The following VWCE variants were observed in gnomAD, a reference collection of about 807,000 sequenced individuals.
VWCE encodes the protein von Willebrand factor C and EGF domain-containing protein.
VWCE carries 68 observed loss-of-function variants against 102.9 expected under a neutral mutation model. That is an observed-to-expected ratio of 0.66 (90% CI 0.54 to 0.81). The LOEUF (loss-of-function observed/expected upper bound fraction) is 0.81. VWCE is among the 30% of genes least tolerant of loss of function. The probability of loss-of-function intolerance (pLI) is 0.00; values close to 1 mark genes in which losing one functional copy is unlikely to be tolerated. For synonymous variants in VWCE, 497 were observed against 515.4 expected, an observed-to-expected ratio of 0.96 and a Z score of 0.48; for missense variants, 1,137 against 1,263.6, an observed-to-expected ratio of 0.90 and a Z score of 1.52.
At chr11:61,262,247 C>G (rs891277066) in intron 19 of VWCE, among the ~76,000 whole-genome samples, 4 of 152,180 alleles carry the variant, frequency 2.6e-5, no homozygotes, top group African/African-American at 9.7e-5. Flanking sequence ...AGCCACCACG[C>G]CAGACCTGGA....
chr11:61,272,432 AAC>A (rs1300373881), intron 13 of VWCE, among the ~76,000 whole-genome samples: 1 of 151,152 alleles, frequency 6.6e-6, no homozygotes, highest in African/African-American at 2.4e-5. Context: ...AAAACACAAA[AAC>A]AGACACATAA....
At chr11:61,274,709 T>C (rs1478176580) in intron 11 of VWCE, 125 bp from the exon 12 acceptor site, 1 of 691,514 alleles carries the variant, frequency 1.4e-6, no homozygotes, top group Non-Finnish European at 2.4e-6. Context: ...CACAGCATGC[T>C]CCGTGCCCAG....
chr11:61,274,340 G>GGAA (rs1274513284), intron 12 of VWCE, among the ~76,000 whole-genome samples, 159 bp downstream of exon 12: 1 of 152,122 alleles, frequency 6.6e-6, no homozygotes, highest in Non-Finnish European at 1.5e-5. Flanking sequence ...AGAGACTGTG[G>GGAA]GAAGACCTGG....
At chr11:61,259,390 G>A in intron 19 of VWCE, 78 bp from the exon 20 acceptor site, 1 of 1,498,380 alleles carries the variant, frequency 6.7e-7, no homozygotes, top group East Asian at 2.3e-5. Flanking sequence ...AGGTATACCA[G>A]GGACACCCAA....
At position 61,294,948 on chromosome 11, in the gene VWCE, G is replaced by C; in HGVS notation, c.90C>G (p.Pro30=). The C allele has an allele frequency of 1.4e-6, 2 of 1,453,220 alleles. No homozygotes were observed. Among genetic ancestry groups the C allele is most frequent in the Non-Finnish European group, 1.8e-6 (2 of 1,102,446 alleles). 90.0% of individuals were successfully genotyped at this position (1,453,220 alleles called of 1,614,324 possible). ...CTTACCTCTCGGCCGCGAAGTGCCCGGGCGGCTTCCTCCCGGTGTAGCCTC... is the reference window on the plus strand; with the variant it reads ...CTTACCTCTCGGCCGCGAAGTGCCCCGGCGGCTTCCTCCCGGTGTAGCCTC... ...PARGYTGRKP[P]GHFAAERRRL... is the part of the protein sequence containing the mutation. Residue 30 remains proline (P), a synonymous_variant, in exon 1 of 20, where the codon CCC becomes CCG. Transcript: ENST00000335613. This position sits in a 1 kb window ranked among gnomAD's most constrained non-coding sequence, Gnocchi z 6.3.
In VWCE at chr11:61,265,093, T is replaced by C. The variant is rs564766376; in HGVS notation, c.2056+29A>G. ...GAGAGCCGAGGCCTGGCCGGGAACC[T>C]GGCACGTGGGGCAGCTGGTCCCACT... On this transcript the variant is annotated intron_variant, in intron 17 of 19. Transcript: ENST00000335613. 30 of 1,613,490 alleles carry C rather than the reference T, an allele frequency of 1.9e-5. 1 individual carries two copies. In the African/African-American group the frequency reaches 2.9e-4, roughly 16 times the overall value.
At chr11:61,274,696 C>T in intron 11 of VWCE, 112 bp from the exon 12 acceptor site, 1 of 809,370 alleles carries the variant, frequency 1.2e-6, no homozygotes, top group Non-Finnish European at 2.0e-6. Context: ...ACCCACAACA[C>T]TCCACAGCAT....
At chr11:61,286,086 G>C (rs558440620) in intron 5 of VWCE, among the ~76,000 whole-genome samples, 1 of 152,238 alleles carries the variant, frequency 6.6e-6, no homozygotes, top group South Asian at 2.1e-4. Context: ...TAGATGTGCT[G>C]GGATTCAAAC....
intron 19 of VWCE, 62 bp downstream of exon 19, chr11:61,264,425 G>T: frequency 6.6e-7 from 1 of 1,507,310 alleles, no homozygotes; most frequent in East Asian, 2.3e-5. Context: ...CTATGTACCG[G>T]GGAAGAAAAG....
At chr11:61,262,699 A>C (rs1854396308) in intron 19 of VWCE, among the ~76,000 whole-genome samples, 1 of 152,240 alleles carries the variant, frequency 6.6e-6, no homozygotes, top group Non-Finnish European at 1.5e-5. Context: ...GCTGCCCCCG[A>C]AAACAGAACA....
At chr11:61,291,867 AGAT>A (rs1660678270) in intron 1 of VWCE, among the ~76,000 whole-genome samples, 1 of 152,234 alleles carries the variant, frequency 6.6e-6, no homozygotes. Context: ...GCTGTGCAAT[AGAT>A]GAGGAGCCCC....
At chr11:61,282,682 G>C (rs935078780) in intron 6 of VWCE, 107 bp downstream of exon 6, 3 of 890,096 alleles carry the variant, frequency 3.4e-6, no homozygotes, top group Non-Finnish European at 5.4e-6. Flanking sequence ...TCAAGCTCCA[G>C]AGGACCAGAA....
In VWCE at chr11:61,262,572, T is replaced by C. The variant is rs115796341; in HGVS notation, c.2230+1915A>G. Among the ~76,000 whole-genome samples, 1,014 of 152,288 alleles carry C rather than the reference T, an allele frequency of 6.7e-3. 14 individuals are homozygous for C. Among genetic ancestry groups the C allele is most frequent in the African/African-American group, 0.024 (979 of 41,550 alleles). The stretch of plus-strand genomic sequence containing the variant: ...AATATCCACTAGCATGCAGAGAGGT[T>C]TGTGGTGGTTACAATGAAGTACAAT... On this transcript the variant is annotated intron_variant, in intron 19 of 19. Transcript: ENST00000335613.
rs868419046 is a variant in VWCE, at chr11:61,265,110, G to C, written c.2056+12C>G. The C allele has an allele frequency of 6.2e-7, 1 of 1,612,332 alleles. No individual in the cohort carries two copies. The highest frequency in any genetic ancestry group is 1.3e-5 in the African/African-American group (1 of 75,014). On this transcript the variant is annotated intron_variant, in intron 17 of 19. Transcript: ENST00000335613. ...CGGGAACCTGGCACGTGGGGCAGCT[G>C]GTCCCACTCACCTCGGCACACGGGG...
intron 9 of VWCE, among the ~76,000 whole-genome samples, chr11:61,279,230 G>C (rs1306972862): frequency 6.6e-6 from 1 of 151,978 alleles, no homozygotes. Context: ...CCAATACTTC[G>C]CACTCAAGAC....
chr11:61,261,039 A>C (rs1854342065), intron 19 of VWCE, among the ~76,000 whole-genome samples: 2 of 152,098 alleles, frequency 1.3e-5, no homozygotes, highest in Admixed American at 1.3e-4. Context: ...ATCCTGGCCA[A>C]CATGGTGAAA....
Position 61,267,474 on chromosome 11 carries a change from GC to G in VWCE, c.1952del (p.Ser651ThrfsTer67). The G allele has an allele frequency of 6.2e-7, 1 of 1,614,158 alleles. No individual in the cohort carries two copies. Among genetic ancestry groups the G allele is most frequent in the South Asian group, 1.1e-5 (1 of 91,070 alleles). On this transcript the variant is annotated frameshift_variant, in exon 16 of 20. Transcript: ENST00000335613. LOFTEE classifies it high-confidence loss of function. ...TFPSVLDPCL[S>X]CICLLGSVAC... ...GGGTGGTCCATACCAGGCAGATGCA[GC>G]TCAGACATGGGTCCAGCACAGACGG... is the stretch of plus-strand genomic sequence containing the variant.
intron 5 of VWCE, among the ~76,000 whole-genome samples, chr11:61,286,040 C>T (rs1412213734): frequency 1.3e-5 from 2 of 152,216 alleles, no homozygotes; most frequent in Non-Finnish European, 2.9e-5. Flanking sequence ...AGATGTGAGT[C>T]AACCCACCAG....
intron 11 of VWCE, among the ~76,000 whole-genome samples, chr11:61,275,540 C>A (rs531129988): frequency 1.1e-4 from 16 of 152,162 alleles, no homozygotes; most frequent in Non-Finnish European, 2.2e-4. Flanking sequence ...AAAAAGAACA[C>A]CAGCTTTGAA....
Sources: allele counts gnomAD v4.1 joint callset (sites outside exome capture counted in the v4.1 genomes callset), GRCh38; gene constraint gnomAD v4.1.1; non-coding constraint Gnocchi (gnomAD v3.1); transcripts MANE v1.5; gene names NCBI Gene and HGNC (gene_info 2026-07-23, HGNC 2026-07-21).